The following PLXNA4 variants were observed in gnomAD, a reference collection of about 807,000 sequenced individuals.
PLXNA4 encodes the protein plexin-A4.
In PLXNA4, 44 loss-of-function variants were observed where a neutral mutation model predicts 191.8. The ratio of observed to expected loss-of-function variants is 0.23; its 90% CI spans 0.18 to 0.29. The LOEUF is 0.29. Among genes scored for constraint, PLXNA4 ranks in the 10% least tolerant of loss-of-function variants. The probability of loss-of-function intolerance (pLI) is 1.00; values close to 1 mark genes in which losing one functional copy is unlikely to be tolerated. For synonymous variants in PLXNA4, 1,082 were observed against 1,009.5 expected (o/e 1.07, Z -1.36); for missense variants, 1,800 against 2,488.8 (o/e 0.72, Z 5.89).
At chr7:132,284,789 T>C (rs1345518567) in intron 4 of PLXNA4, among the ~76,000 whole-genome samples, 1 of 152,140 alleles carries the variant, frequency 6.6e-6, no homozygotes, top group Non-Finnish European at 1.5e-5. Context: ...TCTTTTCTTT[T>C]CTGAAACCTC....
intron 2 of PLXNA4, among the ~76,000 whole-genome samples, chr7:132,591,210 G>A (rs1338846253): frequency 6.6e-6 from 1 of 152,154 alleles, no homozygotes; most frequent in Non-Finnish European, 1.5e-5. Context: ...AGGGAAGGGT[G>A]GGCCACAGAA....
At chr7:132,280,728 A>G (rs1426165262) in intron 4 of PLXNA4, among the ~76,000 whole-genome samples, 1 of 152,218 alleles carries the variant, frequency 6.6e-6, no homozygotes, top group Non-Finnish European at 1.5e-5. Context: ...AGCTGAGTCT[A>G]CACAACAAAC....
intron 1 of PLXNA4, among the ~76,000 whole-genome samples, chr7:132,565,971 C>A (rs913011667): frequency 6.6e-6 from 1 of 152,234 alleles, no homozygotes; most frequent in African/African-American, 2.4e-5. Flanking sequence ...AAACTCACTG[C>A]AGTTGGGTTC....
chr7:132,278,329 C>A (rs377217296), intron 4 of PLXNA4, among the ~76,000 whole-genome samples: 141 of 152,286 alleles, frequency 9.3e-4, no homozygotes, highest in African/African-American at 3.3e-3. Context: ...TGAGGAGGAG[C>A]TGTGCCAGAG....
intron 18 of PLXNA4, 75 bp from the exon 19 acceptor site, chr7:132,180,807 C>T: frequency 6.4e-7 from 1 of 1,563,452 alleles, no homozygotes; most frequent in Admixed American, 1.8e-5. Flanking sequence ...CATGTCCTCC[C>T]ACCTGGAGGT....
chr7:132,296,397 C>T (rs1178662004), intron 4 of PLXNA4, among the ~76,000 whole-genome samples: 1 of 151,948 alleles, frequency 6.6e-6, no homozygotes, highest in African/African-American at 2.4e-5. Flanking sequence ...GGGCTGATAA[C>T]TCATATTACC....
intron 1 of PLXNA4, among the ~76,000 whole-genome samples, chr7:132,569,294 A>G (rs1223936312): frequency 6.6e-6 from 1 of 151,574 alleles, no homozygotes; most frequent in African/African-American, 2.4e-5. Context: ...TTCCTTCCCT[A>G]CCTCTCCTCC....
chr7:132,208,313 GTTTC>G (rs1797691913), intron 10 of PLXNA4, among the ~76,000 whole-genome samples: 1 of 152,220 alleles, frequency 6.6e-6, no homozygotes, highest in African/African-American at 2.4e-5. Flanking sequence ...TGTTGCCTCA[GTTTC>G]TTTCTTAGAC....
intron 27 of PLXNA4, 121 bp from the exon 28 acceptor site, chr7:132,146,821 C>G: frequency 6.6e-7 from 1 of 1,519,718 alleles, no homozygotes; most frequent in Non-Finnish European, 8.8e-7. Flanking sequence ...TGCCATTGGT[C>G]GGTGCTGTCA....
chr7:132,395,138 G>A (rs1213042260), intron 3 of PLXNA4, among the ~76,000 whole-genome samples: 3 of 152,220 alleles, frequency 2.0e-5, no homozygotes, highest in African/African-American at 4.8e-5. Flanking sequence ...TTCACACCTG[G>A]AAATAATGGG....
At chr7:132,414,505 A>G (rs1794584583) in intron 3 of PLXNA4, among the ~76,000 whole-genome samples, 1 of 152,176 alleles carries the variant, frequency 6.6e-6, no homozygotes, top group Non-Finnish European at 1.5e-5. Flanking sequence ...CAGAGAGGTG[A>G]CCGAGATGGT....
In PLXNA4 at chr7:132,181,399, G is replaced by C. The variant is rs1278672616; in HGVS notation, c.3474C>G (p.Gly1158=). Residue 1158 remains glycine, a synonymous_variant, in exon 18 of 32, where the codon GGC becomes GGG. Transcript: ENST00000321063. ...GPSGILELKP[G]TPIILKGKNL... ...ACTCCACCTTTAGGATGATGGGCGT[G>C]CCAGGCTTGAGCTCCAGGATTCCTG... 6.2e-7 allele frequency: 1 copy of C among 1,614,012 alleles called. No homozygotes were observed. Among genetic ancestry groups the C allele is most frequent in the Non-Finnish European group, 8.5e-7 (1 of 1,179,966 alleles).
At chr7:132,567,071 C>T (rs765495588) in intron 1 of PLXNA4, among the ~76,000 whole-genome samples, 1 of 152,174 alleles carries the variant, frequency 6.6e-6, no homozygotes, top group East Asian at 1.9e-4. Context: ...AATACTCCCA[C>T]ACAAACGGAT....
chr7:132,225,613 T>TC (rs1475356102), intron 8 of PLXNA4, among the ~76,000 whole-genome samples: 1 of 92,338 alleles, frequency 1.1e-5, no homozygotes, highest in African/African-American at 5.5e-5. Context: ...TAAGCCAGAG[T>TC]CCGCCCCCCC....
At chr7:132,615,405 C>A (rs1178678253) in intron 2 of PLXNA4, among the ~76,000 whole-genome samples, 2 of 152,244 alleles carry the variant, frequency 1.3e-5, no homozygotes, top group South Asian at 4.1e-4. Flanking sequence ...CCGCCCCTGG[C>A]GGAGGGGACG....
intron 2 of PLXNA4, among the ~76,000 whole-genome samples, chr7:132,637,195 G>A (rs1236440773): frequency 5.3e-5 from 8 of 151,672 alleles, no homozygotes; most frequent in Non-Finnish European, 7.4e-5. Flanking sequence ...CCCCCATTCC[G>A]CTCTCAGACC....
intron 3 of PLXNA4, among the ~76,000 whole-genome samples, chr7:132,481,418 TCCCAGGA>T (rs1050881048): frequency 6.6e-6 from 1 of 151,884 alleles, no homozygotes; most frequent in Non-Finnish European, 1.5e-5. Flanking sequence ...TCGATACGGG[TCCCAGGA>T]CAACCTCGGA....
At chr7:132,511,631 A>G (rs1210866832) in intron 1 of PLXNA4, among the ~76,000 whole-genome samples, 5 of 152,186 alleles carry the variant, frequency 3.3e-5, no homozygotes, top group Non-Finnish European at 5.9e-5. Context: ...TCTGCCTAGC[A>G]CAGTTAAGTG....
intron 1 of PLXNA4, among the ~76,000 whole-genome samples, chr7:132,545,285 G>A (rs913654321): frequency 2.6e-5 from 4 of 152,130 alleles, no homozygotes; most frequent in Admixed American, 1.3e-4. Context: ...TCAAGATGTA[G>A]GTTTGTGTAG....
Sources: allele counts gnomAD v4.1 joint callset (sites outside exome capture counted in the v4.1 genomes callset), GRCh38; gene constraint gnomAD v4.1.1; transcripts MANE v1.5; gene names NCBI Gene and HGNC (gene_info 2026-07-23, HGNC 2026-07-21).